GALNTL6: variants seen among roughly 807,000 people sequenced by gnomAD.
GALNTL6 encodes polypeptide N-acetylgalactosaminyltransferase like 6.
In GALNTL6, 46 loss-of-function variants were observed where a neutral mutation model predicts 73.7. The ratio of observed to expected loss-of-function variants is 0.62; its 90% confidence interval spans 0.49 to 0.80. The LOEUF is 0.80. Among genes scored for constraint, GALNTL6 ranks in the 30% least tolerant of loss-of-function variants. GALNTL6 has a pLI of 0.00. For missense variants in GALNTL6, 604 were observed against 755.0 expected, an observed-to-expected ratio of 0.80 and a Z score of 2.34; for synonymous variants, 259 against 263.7, an observed-to-expected ratio of 0.98 and a Z score of 0.17.
At chr4:171,818,977 G>A (rs974432693) in intron 2 of GALNTL6, among the ~76,000 whole-genome samples, 2 of 151,770 alleles carry the variant, frequency 1.3e-5, no homozygotes, top group African/African-American at 4.9e-5. Flanking sequence ...TTGGTACCCA[G>A]TGTATGCAAA....
intron 9 of GALNTL6, among the ~76,000 whole-genome samples, chr4:172,937,309 A>G (rs1684284650): frequency 6.6e-6 from 1 of 152,182 alleles, no homozygotes; most frequent in African/African-American, 2.4e-5. Context: ...ATCATAAAAT[A>G]TTTTTATTGA....
At chr4:172,112,909 T>G (rs528115427) in intron 2 of GALNTL6, among the ~76,000 whole-genome samples, 1 of 152,066 alleles carries the variant, frequency 6.6e-6, no homozygotes, top group East Asian at 1.9e-4. Context: ...CACCAAATTT[T>G]CTGATGTCTT....
chr4:172,719,716 AG>A (rs1034684587), intron 5 of GALNTL6, among the ~76,000 whole-genome samples: 2 of 152,082 alleles, frequency 1.3e-5, no homozygotes, highest in Admixed American at 6.6e-5. Context: ...ACCCCAAGAG[AG>A]GGTTCTTGGG....
intron 2 of GALNTL6, among the ~76,000 whole-genome samples, chr4:172,061,420 T>C (rs912112544): frequency 1.3e-5 from 2 of 152,196 alleles, no homozygotes; most frequent in African/African-American, 4.8e-5. Context: ...TATTGCACTT[T>C]CGTTCTGTCA....
At chr4:172,320,025 G>A (rs1251730393) in intron 4 of GALNTL6, among the ~76,000 whole-genome samples, 1 of 152,054 alleles carries the variant, frequency 6.6e-6, no homozygotes, top group African/African-American at 2.4e-5. Context: ...CCGAATCCAA[G>A]AGCCGTTTAC....
intron 2 of GALNTL6, among the ~76,000 whole-genome samples, chr4:171,882,833 C>T (rs1270436462): frequency 6.6e-6 from 1 of 152,200 alleles, no homozygotes; most frequent in East Asian, 1.9e-4. Flanking sequence ...AGTTGACACT[C>T]AATACTAACC....
At chr4:171,910,562 C>T (rs1300042549) in intron 2 of GALNTL6, among the ~76,000 whole-genome samples, 1 of 150,764 alleles carries the variant, frequency 6.6e-6, no homozygotes. Context: ...TGACAGAAGT[C>T]TACATTCTTA....
intron 2 of GALNTL6, among the ~76,000 whole-genome samples, chr4:172,060,514 A>T (rs1289357312): frequency 6.6e-6 from 1 of 152,166 alleles, no homozygotes; most frequent in African/African-American, 2.4e-5. Context: ...GTAGTCAATG[A>T]TCCCCTTTAT....
chr4:172,108,995 AGAGT>A (rs1444616409), intron 2 of GALNTL6, among the ~76,000 whole-genome samples: 2 of 140,990 alleles, frequency 1.4e-5, no homozygotes, highest in Non-Finnish European at 3.0e-5. Flanking sequence ...CCTGGGTGAC[AGAGT>A]GAGACTCCAT....
At chr4:171,835,888 T>C (rs1003002951) in intron 2 of GALNTL6, among the ~76,000 whole-genome samples, 3 of 152,002 alleles carry the variant, frequency 2.0e-5, no homozygotes, top group Non-Finnish European at 2.9e-5. Flanking sequence ...TGGTTTACTG[T>C]AAACAAAAAT....
chr4:171,999,028 A>G (rs1489546336), intron 2 of GALNTL6, among the ~76,000 whole-genome samples: 1 of 152,180 alleles, frequency 6.6e-6, no homozygotes, highest in Non-Finnish European at 1.5e-5. Context: ...TAAGCATGAC[A>G]TAATTCCTCC....
chr4:172,913,608 T>C (rs989014688), intron 8 of GALNTL6, among the ~76,000 whole-genome samples: 4 of 152,082 alleles, frequency 2.6e-5, no homozygotes, highest in African/African-American at 9.7e-5. Flanking sequence ...CAAGCTTCAG[T>C]AGCCGATTCA....
intron 3 of GALNTL6, among the ~76,000 whole-genome samples, chr4:172,294,954 C>A (rs964517890): frequency 9.2e-5 from 14 of 152,060 alleles, no homozygotes; most frequent in African/African-American, 3.1e-4. Context: ...TCATTCATAG[C>A]AAATTCTTAA....
chr4:172,541,704 G>A (rs926726577), intron 5 of GALNTL6, among the ~76,000 whole-genome samples: 1 of 152,108 alleles, frequency 6.6e-6, no homozygotes, highest in Non-Finnish European at 1.5e-5. Context: ...CCGCATGAGC[G>A]GTGGCCCTGC....
intron 3 of GALNTL6, among the ~76,000 whole-genome samples, chr4:172,244,093 TG>T (rs763505578): frequency 2.0e-5 from 3 of 152,156 alleles, no homozygotes; most frequent in Non-Finnish European, 4.4e-5. Flanking sequence ...TAATGAGATT[TG>T]TTGGGAAGTG....
intron 5 of GALNTL6, among the ~76,000 whole-genome samples, chr4:172,529,316 C>A (rs1735088950): frequency 6.6e-6 from 1 of 151,810 alleles, no homozygotes; most frequent in African/African-American, 2.4e-5. Flanking sequence ...ATGACATTTT[C>A]TGTGTTAATT....
intron 2 of GALNTL6, among the ~76,000 whole-genome samples, chr4:171,878,547 C>T (rs187507153): frequency 2.6e-5 from 4 of 152,080 alleles, no homozygotes; most frequent in South Asian, 2.1e-4. Flanking sequence ...GTCAATAATA[C>T]GTATACATAA....
intron 2 of GALNTL6, among the ~76,000 whole-genome samples, chr4:171,878,189 G>A (rs1009432251): frequency 9.2e-5 from 14 of 152,156 alleles, no homozygotes; most frequent in Non-Finnish European, 1.6e-4. Context: ...ATAGTTAACC[G>A]TGTAATTTAT....
chr4:173,009,035 T>G lies in GALNTL6; in HGVS notation c.1372-143T>G, dbSNP rs956107090. On this transcript the variant is annotated intron_variant, in intron 10 of 12. Coordinates refer to ENST00000506823, the MANE Select transcript of GALNTL6 (RefSeq NM_001034845.3). ...AATTCCTTGATTTTTCTCCATAAAT[T>G]GCATACAAATTCAAGGTCTCATTCA... The G allele has an allele frequency of 7.8e-6, 5 of 643,236 alleles. No individual in the cohort carries two copies. The African/African-American group carries it at 9.0e-5, about 12-fold the overall frequency. The allele number at this position is 643,236 out of a possible 1,614,324, so 39.8% of individuals were successfully genotyped here.
Sources: gnomAD v4.1 joint callset for allele counts (sites outside exome capture counted in the v4.1 genomes callset) on GRCh38, gnomAD v4.1.1 for gene constraint, MANE v1.5 for transcripts, NCBI Gene and HGNC (gene_info 2026-07-23, HGNC 2026-07-21) for gene names.